The following TTC17 variants were observed in gnomAD, a reference collection of about 807,000 sequenced individuals.
TTC17 encodes tetratricopeptide repeat domain 17.
A neutral mutation model predicts 143.8 loss-of-function variants in TTC17; 58 were observed. The observed-to-expected ratio is 0.40, with a 90% CI of 0.33 to 0.50. The LOEUF (loss-of-function observed/expected upper bound fraction) is 0.50, where lower values mean the gene tolerates loss of function less well. Among genes scored for constraint, TTC17 ranks in the 20% least tolerant of loss-of-function variants. The pLI, the probability that TTC17 is intolerant of heterozygous loss-of-function variation, is 0.49. For missense variants in TTC17, 1,273 were observed against 1,392.5 expected (o/e 0.91, Z 1.37); for synonymous variants, 501 against 497.8 (o/e 1.01, Z -0.09).
chr11:43,458,369 G>T, intron 21 of TTC17, among the ~76,000 whole-genome samples: 1 of 152,264 alleles, frequency 6.6e-6, no homozygotes, highest in South Asian at 2.1e-4. Flanking sequence ...TAATAAGCAC[G>T]TGATGGGTCA....
At chr11:43,419,664 T>A (rs1486741171) in intron 16 of TTC17, among the ~76,000 whole-genome samples, 1 of 152,246 alleles carries the variant, frequency 6.6e-6, no homozygotes, top group African/African-American at 2.4e-5. Flanking sequence ...AAAAAAGATA[T>A]TCTTATAGAC....
chr11:43,363,505 ATTC>A (rs1279895509), intron 1 of TTC17, among the ~76,000 whole-genome samples: 2 of 152,208 alleles, frequency 1.3e-5, no homozygotes, highest in African/African-American at 4.8e-5. Flanking sequence ...GCCTCTGGAT[ATTC>A]TTTTTCTTCA....
chr11:43,443,849 T>C (rs1001233462), intron 17 of TTC17, among the ~76,000 whole-genome samples: 1 of 152,250 alleles, frequency 6.6e-6, no homozygotes, highest in African/African-American at 2.4e-5. Context: ...CAGACATCTT[T>C]CTTTTCGGTT....
At chr11:43,359,178 G>GC in intron 1 of TTC17, 65 bp downstream of exon 1, 1 of 1,464,576 alleles carries the variant, frequency 6.8e-7, no homozygotes, top group Admixed American at 2.8e-5. Context: ...ACCCTGCTTG[G>GC]CCCCTGGCTG....
chr11:43,410,033 G>T (rs1388713218), intron 15 of TTC17, among the ~76,000 whole-genome samples: 1 of 151,626 alleles, frequency 6.6e-6, no homozygotes, highest in African/African-American at 2.4e-5. Context: ...GTAGAAACAG[G>T]GTTGTATTTT....
Position 43,487,365 on chromosome 11 carries a change from C to T in TTC17, c.3031-2874C>T, listed in dbSNP as rs79190830. Reference sequence around the variant, plus strand: ...TTCAGTGTGTTGGCCAGGCTGGTTTCGAACTCCTGACCTCACGTGATCTGC... The same window carrying T: ...TTCAGTGTGTTGGCCAGGCTGGTTTTGAACTCCTGACCTCACGTGATCTGC... On this transcript the variant is annotated intron_variant, in intron 21 of 23. Coordinates refer to ENST00000039989, the MANE Select transcript of TTC17 (RefSeq NM_018259.6). 5.1e-3 allele frequency among the ~76,000 whole-genome samples: 779 copies of T among 152,246 alleles called. 6 individuals carry two copies. The highest frequency in any genetic ancestry group is 0.018 in the African/African-American group (754 of 41,540).
In TTC17 at chr11:43,389,811, A is replaced by G; in HGVS notation, c.409A>G (p.Lys137Glu). 1.3e-6 allele frequency: 2 copies of G among 1,598,636 alleles called. No homozygotes were observed. Among genetic ancestry groups the G allele is most frequent in the Non-Finnish European group, 1.7e-6 (2 of 1,175,578 alleles). ...TGGCACATACATAACTTTGGAGAGCAAAGACATCAGGTAAAGAAGTTCTCT... is the reference window on the plus strand; with the variant it reads ...TGGCACATACATAACTTTGGAGAGCGAAGACATCAGGTAAAGAAGTTCTCT... ...YDGTYITLES[K>E]DISPEDYIDT... The change falls in exon 3 of 24, where the codon AAA (lysine) becomes GAA (glutamate). Residue 137 changes from lysine (K) to glutamate (E), a missense_variant. Physicochemically the swap from Lys to Glu is moderately conservative, Grantham distance 56 (BLOSUM62 1). Around this residue, in one of 3 missense-constraint regions of TTC17, gnomAD observed 325 missense variants for 444.2 expected, o/e 0.73. Transcript: ENST00000039989.
chr11:43,384,994 A>G (rs1425801573), intron 2 of TTC17, among the ~76,000 whole-genome samples: 3 of 152,256 alleles, frequency 2.0e-5, no homozygotes, highest in Non-Finnish European at 4.4e-5. Context: ...ACCAAAAAAT[A>G]TAATATCGTA....
intron 9 of TTC17, among the ~76,000 whole-genome samples, chr11:43,400,458 G>T (rs754910887): frequency 6.6e-6 from 1 of 152,042 alleles, no homozygotes; most frequent in Non-Finnish European, 1.5e-5. Flanking sequence ...GCTTGTTGCC[G>T]CAGGTCTAAA....
intron 16 of TTC17, among the ~76,000 whole-genome samples, chr11:43,423,748 CATT>C (rs958052543): frequency 6.6e-6 from 1 of 152,016 alleles, no homozygotes; most frequent in South Asian, 2.1e-4. Context: ...TAAAGAAAAA[CATT>C]ATGTTAAGTA....
At chr11:43,402,644 G>T (rs1590361830) in intron 10 of TTC17, among the ~76,000 whole-genome samples, 1 of 152,020 alleles carries the variant, frequency 6.6e-6, no homozygotes, top group African/African-American at 2.4e-5. Context: ...GATCATTGGA[G>T]CATTTTGGAT....
At chr11:43,383,628 G>T (rs1048093853) in intron 2 of TTC17, among the ~76,000 whole-genome samples, 2 of 151,880 alleles carry the variant, frequency 1.3e-5, no homozygotes, top group Admixed American at 6.6e-5. Context: ...GCCTCCCACA[G>T]TGCTGGCTGG....
intron 1 of TTC17, among the ~76,000 whole-genome samples, chr11:43,374,147 G>T (rs1856674670): frequency 6.6e-6 from 1 of 152,114 alleles, no homozygotes; most frequent in Non-Finnish European, 1.5e-5. Context: ...GGTAGAAAAA[G>T]AAATACATAA....
chr11:43,447,649 A>G (rs538442186), intron 18 of TTC17: 4 of 177,938 alleles, frequency 2.2e-5, no homozygotes, highest in Non-Finnish European at 4.7e-5. Context: ...GTTTCTACTA[A>G]GTTGGAGTTG....
At chr11:43,398,173 G>A in intron 8 of TTC17, 60 bp downstream of exon 8, 1 of 1,589,128 alleles carries the variant, frequency 6.3e-7, no homozygotes, top group Middle Eastern at 1.7e-4. Context: ...GGTTAAATCT[G>A]TGTAGGGGAT....
intron 18 of TTC17, among the ~76,000 whole-genome samples, chr11:43,445,706 A>G (rs1947525149): frequency 6.6e-6 from 1 of 152,244 alleles, no homozygotes; most frequent in Non-Finnish European, 1.5e-5. Context: ...TAAAGCATAG[A>G]GGACAGAAAT....
intron 21 of TTC17, among the ~76,000 whole-genome samples, chr11:43,459,833 C>A (rs1295694842): frequency 6.6e-6 from 1 of 152,302 alleles, no homozygotes; most frequent in Non-Finnish European, 1.5e-5. Flanking sequence ...AAATATTCAG[C>A]ACTTCATTAT....
intron 2 of TTC17, chr11:43,385,720 A>G (rs1857145328): frequency 2.0e-5 from 3 of 151,346 alleles, no homozygotes; most frequent in South Asian, 4.1e-4. Flanking sequence ...TTAAAAAGAA[A>G]AAAAAAAAAA....
At chr11:43,372,153 T>C (rs1020132360) in intron 1 of TTC17, among the ~76,000 whole-genome samples, 3 of 152,238 alleles carry the variant, frequency 2.0e-5, no homozygotes, top group Admixed American at 6.5e-5. Context: ...TCAGTCACTG[T>C]TGTTAGGAAT....
Sources: gnomAD v4.1 joint callset for allele counts (sites outside exome capture counted in the v4.1 genomes callset) on GRCh38, gnomAD v4.1.1 for gene constraint, gnomAD v4.1.1 regional missense constraint, MANE v1.5 for transcripts, NCBI Gene and HGNC (gene_info 2026-07-23, HGNC 2026-07-21) for gene names.